CFAP52: variants seen among roughly 807,000 people sequenced by gnomAD.
CFAP52 encodes cilia- and flagella-associated protein 52.
A neutral mutation model predicts 70.5 loss-of-function variants in CFAP52; 57 were observed. The ratio of observed to expected loss-of-function variants is 0.81; its 90% CI spans 0.65 to 1.01. The LOEUF is 1.01. CFAP52 is among the 50% of genes least tolerant of loss of function. The pLI, the probability that CFAP52 is intolerant of heterozygous loss-of-function variation, is 0.00. For missense variants in CFAP52, 785 were observed against 788.5 expected (o/e 1.00, Z 0.05); for synonymous variants, 267 against 292.5 (o/e 0.91, Z 0.89).
At position 9,631,082 on chromosome 17, in the gene CFAP52, G is replaced by GAAAGAAAGAAAGAAAGAAAGAA. The variant is rs56818169; in HGVS notation, c.1175-1805_1175-1804insAAGAAAGAAAGAAAGAAAGAAA. On this transcript the variant is annotated intron_variant, in intron 9 of 13. Transcript: ENST00000352665. ...AGAAAGAAAGAAAGAAAGAAAGAAA[G>GAAAGAAAGAAAGAAAGAAAGAA]AGAAAGAAAGAAAGAGAAAGAAAGA... Among the ~76,000 whole-genome samples, 106 of 49,006 alleles carry GAAAGAAAGAAAGAAAGAAAGAA rather than the reference G, an allele frequency of 2.2e-3. 2 individuals carry two copies. The highest frequency in any genetic ancestry group is 3.3e-3 in the African/African-American group (50 of 14,930). The allele number at this position is 49,006 out of a possible 152,430, so 32.1% of individuals were successfully genotyped here.
At position 9,636,086 on chromosome 17, in the gene CFAP52, G is replaced by A. The variant is rs1467469257; in HGVS notation, c.1472+530G>A. ...CTACTTGGGAGGCTGAGGCAGGAGA[G>A]TCGCTTGAACCCAGGATGCGGAGGT... On this transcript the variant is annotated intron_variant, in intron 11 of 13. Transcript: ENST00000352665. Among the ~76,000 whole-genome samples, 4 of 151,640 alleles carry A rather than the reference G, an allele frequency of 2.6e-5. No individual in the cohort carries two copies. The East Asian group carries it at 5.8e-4, about 22-fold the overall frequency.
intron 1 of CFAP52, among the ~76,000 whole-genome samples, chr17:9,580,964 G>A (rs1908198062): frequency 6.6e-6 from 1 of 152,128 alleles, no homozygotes; most frequent in Non-Finnish European, 1.5e-5. Context: ...CTGTGATATT[G>A]TCTATAATAG....
At position 9,643,258 on chromosome 17, in the gene CFAP52, A is replaced by T. The variant is rs1318710665; in HGVS notation, c.*60A>T. ...CGCAGTCCTGTTGAAGACTGAGTTT[A>T]GATAACTCCAACACTAGTCTTCATT... On this transcript the variant is annotated 3_prime_UTR_variant, in exon 14 of 14. Coordinates refer to ENST00000352665, the MANE Select transcript of CFAP52 (RefSeq NM_145054.5). The T allele has an allele frequency of 1.4e-6, 2 of 1,390,704 alleles. No homozygotes were observed. The highest frequency in any genetic ancestry group is 2.9e-5 in the African/African-American group (2 of 69,032). 86.1% of individuals were successfully genotyped at this position (1,390,704 alleles called of 1,614,324 possible).
chr17:9,600,216 T>C, intron 6 of CFAP52, 33 bp downstream of exon 6: 1 of 1,568,912 alleles, frequency 6.4e-7, no homozygotes, highest in Non-Finnish European at 8.8e-7. Flanking sequence ...GCCCTGCCAT[T>C]TTTCTCCCTT....
intron 3 of CFAP52, among the ~76,000 whole-genome samples, chr17:9,589,218 G>T (rs1908631992): frequency 6.6e-6 from 1 of 152,198 alleles, no homozygotes; most frequent in Non-Finnish European, 1.5e-5. Context: ...CCTGAGGTTT[G>T]TGTGGGATTT....
intron 1 of CFAP52, among the ~76,000 whole-genome samples, chr17:9,584,697 C>G (rs1318114011): frequency 6.6e-6 from 1 of 151,398 alleles, no homozygotes; most frequent in East Asian, 2.0e-4. Flanking sequence ...TCTCGGCTCA[C>G]TGCAACCTCC....
intron 3 of CFAP52, among the ~76,000 whole-genome samples, chr17:9,587,720 T>C (rs188686176): frequency 8.3e-4 from 127 of 152,292 alleles, no homozygotes; most frequent in Non-Finnish European, 1.5e-3. Context: ...AGTTTTTGTT[T>C]TATCTTATAA....
intron 7 of CFAP52, among the ~76,000 whole-genome samples, chr17:9,611,439 C>T (rs1909709018): frequency 6.6e-6 from 1 of 152,094 alleles, no homozygotes; most frequent in Admixed American, 6.6e-5. Flanking sequence ...ACTGCAGCCT[C>T]CAACTCCTGG....
At chr17:9,616,359 A>G (rs57969608) in intron 8 of CFAP52, among the ~76,000 whole-genome samples, 7,296 of 114,832 alleles carry the variant, frequency 0.064, 253 homozygotes, top group South Asian at 0.093. Context: ...CGCCCACGGA[A>G]TCTCGCTGAT....
At position 9,598,470 on chromosome 17, in the gene CFAP52, A is replaced by C. The variant is rs1056494610; in HGVS notation, c.636+137A>C. On this transcript the variant is annotated intron_variant, in intron 5 of 13. Transcript: ENST00000352665. The stretch of plus-strand genomic sequence containing the variant: ...AGACATAGGGGATGTTGATTGAAGA[A>C]GCTCACTTTGGCCAGGTGCAGTGGC... 9.2e-6 allele frequency: 6 copies of C among 651,646 alleles called. No individual in the cohort carries two copies. In the African/African-American group the frequency reaches 1.1e-4, roughly 12 times the overall value. 40.4% of individuals were successfully genotyped at this position (651,646 alleles called of 1,614,324 possible). A position where few individuals can be genotyped will look rare whatever the true frequency, so the allele number is the denominator to read the frequency against.
rs1346334843 is a variant in CFAP52 at position 9,608,107 on chromosome 17, T to G, written c.754-12T>G. ...TTTTTGTGCTTTTTCTTAACACAGT[T>G]TTTCCCCCTAGGGAGTGTCAGCTAT... On this transcript the variant is annotated splice_polypyrimidine_tract_variant and intron_variant, in intron 6 of 13. Coordinates refer to ENST00000352665, the MANE Select transcript of CFAP52 (RefSeq NM_145054.5). 4 of 1,602,644 alleles carry G rather than the reference T, an allele frequency of 2.5e-6. No individual in the cohort carries two copies. The highest frequency in any genetic ancestry group is 2.7e-5 in the African/African-American group (2 of 74,698).
chr17:9,610,352 A>G (rs1909664985), intron 7 of CFAP52: 1 of 152,174 alleles, frequency 6.6e-6, no homozygotes, highest in African/African-American at 2.4e-5. Flanking sequence ...GGTTTGTGCT[A>G]TCACTGTTTC....
At position 9,633,021 on chromosome 17, in the gene CFAP52, T is replaced by C; in HGVS notation, c.1308T>C (p.Gly436=). The change falls in exon 10 of 14, where the codon GGT becomes GGC. Residue 436 remains glycine, a synonymous_variant. Coordinates refer to ENST00000352665, the MANE Select transcript of CFAP52 (RefSeq NM_145054.5). ...ACTGTAAAAGGGTCATCAGTGGCGGTGGGGAAGGGGAGGTATTGAAAGCAG... is the reference window on the plus strand; with the variant it reads ...ACTGTAAAAGGGTCATCAGTGGCGGCGGGGAAGGGGAGGTATTGAAAGCAG... ...TSDCKRVISG[G]GEGEVRVWQI... 2 of 1,613,642 alleles carry C rather than the reference T, an allele frequency of 1.2e-6. No homozygotes were observed. The highest frequency in any genetic ancestry group is 1.3e-5 in the African/African-American group (1 of 74,958).
At chr17:9,580,439 G>T (rs993779662) in intron 1 of CFAP52, among the ~76,000 whole-genome samples, 2 of 152,058 alleles carry the variant, frequency 1.3e-5, no homozygotes, top group African/African-American at 4.8e-5. Flanking sequence ...TGTAATCCCA[G>T]CACTTTGGGA....
rs189298313 is a variant in CFAP52 at position 9,598,526 on chromosome 17, C to T, written c.636+193C>T. 1,200 of 417,522 alleles carry T rather than the reference C, an allele frequency of 2.9e-3. 7 individuals carry two copies. Among genetic ancestry groups the T allele is most frequent in the Non-Finnish European group, 4.4e-3 (1,027 of 233,616 alleles). The allele number at this position is 417,522 out of a possible 1,614,324, so 25.9% of individuals were successfully genotyped here. Reference sequence around the variant, plus strand: ...CCTGTAATCCCAGCATTTTGGGAGGCGGAGGTGGGTGAATCACTTGAGGTC... The same window carrying T: ...CCTGTAATCCCAGCATTTTGGGAGGTGGAGGTGGGTGAATCACTTGAGGTC... On this transcript the variant is annotated intron_variant, in intron 5 of 13. Coordinates refer to ENST00000352665, the MANE Select transcript of CFAP52 (RefSeq NM_145054.5).
At chr17:9,609,934 T>C (rs1409241205) in intron 7 of CFAP52, among the ~76,000 whole-genome samples, 1 of 151,954 alleles carries the variant, frequency 6.6e-6, no homozygotes, top group Non-Finnish European at 1.5e-5. Context: ...ATCAGGAGCC[T>C]GGTGCCTGGA....
chr17:9,586,614 A>C (rs1405918311), intron 2 of CFAP52, 84 bp from the exon 3 acceptor site: 13 of 1,445,586 alleles, frequency 9.0e-6, no homozygotes, highest in Middle Eastern at 1.9e-4. Flanking sequence ...GACAGTACTA[A>C]TTGTTTTTCA....
At chr17:9,613,903 G>GT (rs34569016) in intron 8 of CFAP52, among the ~76,000 whole-genome samples, 101,508 of 151,966 alleles carry the variant, frequency 0.67, 36,015 homozygotes, top group Non-Finnish European at 0.78. Context: ...ATTTCTAACA[G>GT]TGAAAATGGC....
chr17:9,583,611 T>C (rs1027643973), intron 1 of CFAP52, among the ~76,000 whole-genome samples: 1 of 152,168 alleles, frequency 6.6e-6, no homozygotes, highest in African/African-American at 2.4e-5. Context: ...AGGTATTTTA[T>C]ATTATTATAA....
Sources: gnomAD v4.1 joint callset for allele counts (sites outside exome capture counted in the v4.1 genomes callset) on GRCh38, gnomAD v4.1.1 for gene constraint, MANE v1.5 for transcripts, NCBI Gene and HGNC (gene_info 2026-07-23, HGNC 2026-07-21) for gene names.